SLC6A14: variants seen among roughly 807,000 people sequenced by gnomAD.
The protein encoded by SLC6A14 is solute carrier family 6 member 14, also known as sodium- and chloride-dependent neutral and basic amino acid transporter B(0+).
SLC6A14 carries 21 observed loss-of-function variants against 51.4 expected under a neutral mutation model. That is an observed-to-expected ratio of 0.41 (90% CI 0.29 to 0.59). The LOEUF is 0.59. Ranked by LOEUF, SLC6A14 falls within the 20% of genes least tolerant of loss-of-function variation. SLC6A14 has a pLI of 0.31. For synonymous variants in SLC6A14, 177 were observed against 160.7 expected (o/e 1.10, Z -0.77); for missense variants, 371 against 472.8 (o/e 0.78, Z 2.00).
intron 7 of SLC6A14, among the ~76,000 whole-genome samples, chrX:116,448,213 T>G (rs1927755775): frequency 8.9e-6 from 1 of 112,322 alleles, no homozygotes; most frequent in Non-Finnish European, 1.9e-5. Context: ...ACAATTACCT[T>G]TCTGAAAACT....
intron 2 of SLC6A14, among the ~76,000 whole-genome samples, chrX:116,440,098 G>A (rs1927564321): frequency 9.0e-6 from 1 of 111,366 alleles, no homozygotes; most frequent in African/African-American, 3.3e-5. Flanking sequence ...CTTCTGGAAT[G>A]TTTTATTAAT....
intron 7 of SLC6A14, among the ~76,000 whole-genome samples, chrX:116,447,542 T>C (rs1927738651): frequency 9.0e-6 from 1 of 111,329 alleles, no homozygotes. Flanking sequence ...ACAGTAAGTG[T>C]ACTACAGATA....
intron 5 of SLC6A14, among the ~76,000 whole-genome samples, chrX:116,444,542 TG>T (rs1372511456): frequency 8.9e-6 from 1 of 112,164 alleles, no homozygotes; most frequent in Admixed American, 9.5e-5. Context: ...TAATTGTAAA[TG>T]TTTTCCTCAT....
chrX:116,438,710 C>A (rs1025185429), intron 2 of SLC6A14, among the ~76,000 whole-genome samples: 1 of 111,707 alleles, frequency 9.0e-6, no homozygotes, highest in African/African-American at 3.2e-5. Context: ...TTCACTTACA[C>A]CATATTTTAT....
intron 13 of SLC6A14, 102 bp downstream of exon 13, chrX:116,457,878 A>G (rs1556694893): frequency 1.3e-5 from 8 of 613,252 alleles, no homozygotes; most frequent in Admixed American, 8.7e-5. Flanking sequence ...ATGAAATACA[A>G]TTAATTACTC....
At chrX:116,442,000 T>A (rs1435138953) in intron 3 of SLC6A14, among the ~76,000 whole-genome samples, 1 of 111,824 alleles carries the variant, frequency 8.9e-6, no homozygotes, top group Non-Finnish European at 1.9e-5. Context: ...CTTTGAATTT[T>A]TTTTGTCTAA....
At chrX:116,456,848 G>A in intron 12 of SLC6A14, among the ~76,000 whole-genome samples, 1 of 111,437 alleles carries the variant, frequency 9.0e-6, no homozygotes, top group East Asian at 2.8e-4. Flanking sequence ...AATAATTATT[G>A]GGTTTTGTTT....
At position 116,459,083 on chromosome X, in the gene SLC6A14, C is replaced by A; in HGVS notation, c.*128C>A. ...ATGTTCATGATAGTGTGATTTTTTT[C>A]ACATTTAAGCAGGAATGCAATATAA... On this transcript the variant is annotated 3_prime_UTR_variant, in exon 14 of 14. Coordinates refer to ENST00000598581, the MANE Select transcript of SLC6A14 (RefSeq NM_007231.5). 1 of 487,268 alleles carries A rather than the reference C, an allele frequency of 2.1e-6. No homozygotes were observed. Among genetic ancestry groups the A allele is most frequent in the Non-Finnish European group, 3.2e-6 (1 of 309,419 alleles). 40.2% of individuals were successfully genotyped at this position (487,268 alleles called of 1,213,427 possible).
chrX:116,444,985 T>C lies in SLC6A14; in HGVS notation c.724T>C (p.Cys242Arg). ...TGVIVWYLAL[C>R]LLLAWLIVGA... ...AGTAATTGTTTGGTATTTAGCACTT[T>C]GTCTTCTTCTGGCTTGGCTCATAGT... Residue 242 changes from cysteine to arginine, a missense_variant, in exon 6 of 14, where the codon TGT becomes CGT. Cys to Arg is a radical substitution (Grantham distance 180, BLOSUM62 -3). Around this residue, in one of 2 missense-constraint regions of SLC6A14, gnomAD observed 277 missense variants for 391.8 expected, o/e 0.71. Transcript: ENST00000598581. 1 of 1,208,839 alleles carries C rather than the reference T, an allele frequency of 8.3e-7. No homozygotes were observed. The highest frequency in any genetic ancestry group is 3.0e-5 in the East Asian group (1 of 33,721).
chrX:116,447,773 T>G (rs782783153), intron 7 of SLC6A14, among the ~76,000 whole-genome samples: 15 of 110,167 alleles, frequency 1.4e-4, no homozygotes, highest in Non-Finnish European at 2.5e-4. Flanking sequence ...TTTTTTGTAT[T>G]TTTAGTAGAG....
chrX:116,448,434 T>C (rs1927759313), intron 7 of SLC6A14, among the ~76,000 whole-genome samples: 2 of 112,001 alleles, frequency 1.8e-5, no homozygotes, highest in Non-Finnish European at 3.8e-5. Flanking sequence ...TTGGTTAATC[T>C]CTTCCTAATT....
intron 3 of SLC6A14, among the ~76,000 whole-genome samples, chrX:116,442,146 T>G (rs113692362): frequency 6.3e-5 from 7 of 111,921 alleles, no homozygotes; most frequent in South Asian, 3.7e-4. Flanking sequence ...CCCTTTCTAA[T>G]CAACTAAGAA....
intron 7 of SLC6A14, 30 bp from the exon 8 acceptor site, chrX:116,451,412 T>C: frequency 1.9e-6 from 2 of 1,032,367 alleles, no homozygotes; most frequent in Middle Eastern, 3.4e-4. Flanking sequence ...GAGTATATGT[T>C]TTAAAATATT....
chrX:116,441,127 A>C (rs782385837), intron 3 of SLC6A14, 30 bp downstream of exon 3: 1 of 1,193,859 alleles, frequency 8.4e-7, no homozygotes, highest in Non-Finnish European at 1.1e-6. Context: ...CTTGGTATTA[A>C]AGCATTTTCT....
At chrX:116,453,201 C>T (rs782416528) in intron 9 of SLC6A14, 59 bp downstream of exon 9, 105 of 1,051,625 alleles carry the variant, frequency 1.0e-4, no homozygotes, top group Non-Finnish European at 1.3e-4. Flanking sequence ...ATTTCCTCTA[C>T]TTGAAAACAA....
rs782463507 is a variant in SLC6A14 at position 116,437,988 on chromosome X, G to A, written c.214+33G>A. 1.8e-5 allele frequency: 10 copies of A among 553,410 alleles called. No homozygotes were observed. In the South Asian group the frequency reaches 1.9e-4, roughly 10 times the overall value. The allele number at this position is 553,410 out of a possible 1,213,427, so 45.6% of individuals were successfully genotyped here. Reference sequence around the variant, plus strand: ...ATTTCACCCCCACCCTCCCACCCCCGCTTTTCCCTCCAGTTTTAAGTGTGG... The same window carrying A: ...ATTTCACCCCCACCCTCCCACCCCCACTTTTCCCTCCAGTTTTAAGTGTGG... On this transcript the variant is annotated intron_variant, in intron 2 of 13. Coordinates refer to ENST00000598581, the MANE Select transcript of SLC6A14 (RefSeq NM_007231.5).
Position 116,458,758 on chromosome X carries a change from G to A in SLC6A14, c.1783-51G>A. ...ACAGTTCAATATTTGCTTGTTTACA[G>A]ATTGTAGCACTTAAATTCTAAGACA... On this transcript the variant is annotated intron_variant, in intron 13 of 13. Coordinates refer to ENST00000598581, the MANE Select transcript of SLC6A14 (RefSeq NM_007231.5). 7 of 1,084,061 alleles carry A rather than the reference G, an allele frequency of 6.5e-6. 1 individual carries two copies. The South Asian group carries it at 1.5e-4, about 24-fold the overall frequency. 89.3% of individuals were successfully genotyped at this position (1,084,061 alleles called of 1,213,427 possible).
chrX:116,440,843 C>T (rs1457657662), intron 2 of SLC6A14, 123 bp from the exon 3 acceptor site: 2 of 720,543 alleles, frequency 2.8e-6, no homozygotes, highest in Non-Finnish European at 4.0e-6. Flanking sequence ...GAACTTTAGG[C>T]CCAAACCCAG....
intron 2 of SLC6A14, among the ~76,000 whole-genome samples, chrX:116,439,952 C>A (rs1280070090): frequency 9.0e-6 from 1 of 110,548 alleles, no homozygotes; most frequent in East Asian, 2.8e-4. Context: ...AATGTTATTC[C>A]TAGGTATGAT....
Sources: allele counts gnomAD v4.1 joint callset (sites outside exome capture counted in the v4.1 genomes callset), GRCh38; gene constraint gnomAD v4.1.1; regional missense constraint gnomAD v4.1.1; transcripts MANE v1.5; gene names NCBI Gene and HGNC (gene_info 2026-07-23, HGNC 2026-07-21).